LAD1: variants seen among roughly 807,000 people sequenced by gnomAD.
LAD1 encodes ladinin-1.
Under a neutral mutation model 54.2 loss-of-function variants are expected in LAD1, and 53 were observed. That is an observed-to-expected ratio of 0.98 (90% CI 0.78 to 1.23). LAD1 has a LOEUF of 1.23. LAD1 is among the 50% of genes most tolerant of loss of function. The pLI, the probability that LAD1 is intolerant of heterozygous loss-of-function variation, is 0.00. For missense variants in LAD1, 637 were observed against 653.3 expected (o/e 0.98, Z 0.27); for synonymous variants, 231 against 257.7 (o/e 0.90, Z 0.99).
At chr1:201,396,535 G>A (rs1662293120) in intron 1 of LAD1, among the ~76,000 whole-genome samples, 1 of 152,156 alleles carries the variant, frequency 6.6e-6, no homozygotes. Context: ...TTCCCAAATT[G>A]AATCATAGAC....
intron 1 of LAD1, among the ~76,000 whole-genome samples, chr1:201,395,304 A>G (rs1312826203): frequency 6.6e-6 from 1 of 152,118 alleles, no homozygotes; most frequent in Non-Finnish European, 1.5e-5. Flanking sequence ...AGCTGTTGAA[A>G]CCCCAGTAAT....
In LAD1 at chr1:201,389,259, C is replaced by CGCTCCT; in HGVS notation, c.77_82dup (p.Gln26_Glu27dup). 2 of 1,614,000 alleles carry CGCTCCT rather than the reference C, an allele frequency of 1.2e-6. No homozygotes were observed. Among genetic ancestry groups the CGCTCCT allele is most frequent in the Non-Finnish European group, 1.7e-6 (2 of 1,180,004 alleles). ...GTTGCGGTGCCGCCGCCTGCGCTCG[C>CGCTCCT]GCTCCTGTTCCTCCTCATCCTCCAG... On this transcript the variant is annotated inframe_insertion, in exon 2 of 10. Coordinates refer to ENST00000391967, the MANE Select transcript of LAD1 (RefSeq NM_005558.4).
In LAD1 at chr1:201,385,677, G is replaced by A. The variant is rs749658907; in HGVS notation, c.1131+24C>T. The A allele has an allele frequency of 4.9e-5, 77 of 1,566,408 alleles. No homozygotes were observed. The East Asian group carries it at 1.7e-3, about 34-fold the overall frequency. ...TCCACTTGCCCTCCAGTGGCTCGCA[G>A]ACCAGGGTGCCCAGGGCTCTCACCC... is the stretch of plus-strand genomic sequence containing the variant. On this transcript the variant is annotated intron_variant, in intron 4 of 9. Transcript: ENST00000391967.
intron 7 of LAD1, 167 bp from the exon 8 acceptor site, chr1:201,382,906 C>G (rs1661992061): frequency 9.8e-7 from 1 of 1,025,096 alleles, no homozygotes; most frequent in Non-Finnish European, 1.4e-6. Flanking sequence ...GCTGTGTGCC[C>G]AGCTAAGGAG....
At chr1:201,391,829 G>T (rs926559301) in intron 1 of LAD1, among the ~76,000 whole-genome samples, 1 of 152,224 alleles carries the variant, frequency 6.6e-6, no homozygotes, top group Non-Finnish European at 1.5e-5. Flanking sequence ...ACAGGAGGGG[G>T]TGTGAGCAGG....
intron 2 of LAD1, 122 bp downstream of exon 2, chr1:201,389,038 A>G: frequency 8.5e-7 from 1 of 1,181,214 alleles, no homozygotes; most frequent in Non-Finnish European, 1.2e-6. Flanking sequence ...CTGGAAATTC[A>G]TCATCACACC....
chr1:201,389,336 G>A (rs745417246), intron 1 of LAD1, 33 bp from the exon 2 acceptor site: 3 of 1,600,480 alleles, frequency 1.9e-6, no homozygotes, highest in Non-Finnish European at 2.6e-6. Flanking sequence ...CAGCACAGCT[G>A]GGGAAACCCA....
At chr1:201,382,951 A>G in intron 7 of LAD1, 123 bp downstream of exon 7, 1 of 1,223,174 alleles carries the variant, frequency 8.2e-7, no homozygotes. Context: ...ACTCAAATGG[A>G]GGTTCTGCCA....
intron 5 of LAD1, 143 bp from the exon 6 acceptor site, chr1:201,383,532 T>C: frequency 1.3e-6 from 1 of 795,388 alleles, no homozygotes; most frequent in South Asian, 1.5e-5. Flanking sequence ...GCAGGCTGTG[T>C]TGACTTGGCC....
chr1:201,399,220 A>G lies in LAD1; in HGVS notation c.38+49T>C, dbSNP rs539938745. Reference sequence around the variant, plus strand: ...CGGTGCCCCGAGGAGAGGAGACCCAAAGGCTCCCCGCCGACCCCCCGCCCC... The same window carrying G: ...CGGTGCCCCGAGGAGAGGAGACCCAGAGGCTCCCCGCCGACCCCCCGCCCC... On this transcript the variant is annotated intron_variant, in intron 1 of 9. Transcript: ENST00000391967. The G allele has an allele frequency of 2.2e-5, 33 of 1,476,826 alleles. No homozygotes were observed. The African/African-American group carries it at 4.3e-4, about 19-fold the overall frequency. 91.5% of individuals were successfully genotyped at this position (1,476,826 alleles called of 1,614,324 possible).
rs760979734 is a variant in LAD1, at chr1:201,383,325, C to T, written c.1240G>A (p.Ala414Thr). The change falls in exon 6 of 10, where the codon GCC becomes ACC. Residue 414 changes from alanine to threonine, a missense_variant. Ala to Thr is a moderately conservative substitution (Grantham distance 58). Transcript: ENST00000391967. ...GAGAAGCCCCCACCCACCCGTATGG[C>T]CGTGTGGTATCTCTCCAGCTTCTCT... ...LGEKLERYHTAIRRSESVKSR... is the reference protein window; with the variant it reads ...LGEKLERYHTTIRRSESVKSR... The T allele has an allele frequency of 1.2e-6, 2 of 1,614,006 alleles. No individual in the cohort carries two copies. Among genetic ancestry groups the T allele is most frequent in the Non-Finnish European group, 1.7e-6 (2 of 1,179,976 alleles).
intron 5 of LAD1, among the ~76,000 whole-genome samples, chr1:201,383,983 A>G (rs567770107): frequency 7.2e-5 from 11 of 152,328 alleles, no homozygotes; most frequent in African/African-American, 2.4e-4. Context: ...TGGAAAATCA[A>G]TTGCTCCATG....
intron 1 of LAD1, among the ~76,000 whole-genome samples, chr1:201,395,400 C>T (rs1662270794): frequency 6.6e-6 from 1 of 152,152 alleles, no homozygotes. Context: ...GAAGTGAGCA[C>T]ACTAACGTGG....
rs370180772 is a variant in LAD1, at chr1:201,383,215, G to A, written c.1249-4C>T. On this transcript the variant is annotated splice_polypyrimidine_tract_variant and splice_region_variant and intron_variant, in intron 6 of 9. Transcript: ENST00000391967. ...GAGACTTGACAGATTCTGATCTCTG[G>A]GAACCAAGAACACCAACAGCTGACC... The A allele has an allele frequency of 1.9e-6, 3 of 1,613,670 alleles. No individual in the cohort carries two copies. The African/African-American group carries it at 4.0e-5, about 22-fold the overall frequency.
At chr1:201,394,792 G>A (rs1662260690) in intron 1 of LAD1, among the ~76,000 whole-genome samples, 1 of 152,174 alleles carries the variant, frequency 6.6e-6, no homozygotes. Flanking sequence ...CCAAAGCTGA[G>A]GGATCCAAAT....
At chr1:201,389,114 C>A (rs1571722310) in intron 2 of LAD1, 46 bp downstream of exon 2, 3 of 1,589,606 alleles carry the variant, frequency 1.9e-6, no homozygotes, top group Non-Finnish European at 2.6e-6. Flanking sequence ...TAGTCTGAGG[C>A]AACCAGTCCA....
At chr1:201,393,529 T>C (rs553379446) in intron 1 of LAD1, among the ~76,000 whole-genome samples, 67 of 150,864 alleles carry the variant, frequency 4.4e-4, no homozygotes, top group African/African-American at 1.5e-3. Context: ...GTGGATCACC[T>C]GAGGTCAGGA....
At chr1:201,396,032 AG>A (rs1269879642) in intron 1 of LAD1, among the ~76,000 whole-genome samples, 1 of 114,146 alleles carries the variant, frequency 8.8e-6, no homozygotes, top group Non-Finnish European at 1.8e-5. Context: ...GCTGGGGCCC[AG>A]GGCAAAGCCT....
chr1:201,392,035 T>G lies in LAD1; in HGVS notation c.39-2732A>C, dbSNP rs770257813. ...CCTTTGCTGTCCCAGCCTCTCCTGC[T>G]GCTCAGCCCTAGTTCCCACTGAGCC... On this transcript the variant is annotated intron_variant, in intron 1 of 9. Coordinates refer to ENST00000391967, the MANE Select transcript of LAD1 (RefSeq NM_005558.4). Among the ~76,000 whole-genome samples the G allele has an allele frequency of 9.4e-4, 143 of 152,390 alleles. 1 individual carries two copies. The highest frequency in any genetic ancestry group is 3.4e-3 in the Middle Eastern group (1 of 294).
Sources: allele counts gnomAD v4.1 joint callset (sites outside exome capture counted in the v4.1 genomes callset), GRCh38; gene constraint gnomAD v4.1.1; transcripts MANE v1.5; gene names NCBI Gene and HGNC (gene_info 2026-07-23, HGNC 2026-07-21).